CCDC136: variants seen among roughly 807,000 people sequenced by gnomAD.
The protein encoded by CCDC136 is coiled-coil domain-containing protein 136.
Under a neutral mutation model 141.2 loss-of-function variants are expected in CCDC136, and 100 were observed. The observed-to-expected ratio is 0.71, with a 90% confidence interval of 0.60 to 0.84. The LOEUF (loss-of-function observed/expected upper bound fraction) is 0.84, where lower values mean the gene tolerates loss of function less well. Among genes scored for constraint, CCDC136 ranks in the 40% least tolerant of loss-of-function variants. CCDC136 has a pLI of 0.00. For missense variants in CCDC136, 1,206 were observed against 1,379.4 expected (o/e 0.87, Z 1.99); for synonymous variants, 474 against 531.9 (o/e 0.89, Z 1.50).
chr7:128,797,984 C>A (rs1803310084), intron 3 of CCDC136, among the ~76,000 whole-genome samples: 1 of 150,414 alleles, frequency 6.6e-6, no homozygotes, highest in South Asian at 2.1e-4. Flanking sequence ...GTGGCGTGAT[C>A]TCGGCTCACT....
Position 128,794,674 on chromosome 7 carries a change from T to A in CCDC136, c.272-20T>A. On this transcript the variant is annotated intron_variant, in intron 2 of 17. Transcript: ENST00000297788. This position sits in a 1 kb window ranked among gnomAD's most constrained non-coding sequence, Gnocchi z 4.3. ...ACTCCCCTGGATCCGAGCTTGACACTGGTGCCCCTCTCCCTGCAGGGCTCC... is the reference window on the plus strand; with the variant it reads ...ACTCCCCTGGATCCGAGCTTGACACAGGTGCCCCTCTCCCTGCAGGGCTCC... The A allele has an allele frequency of 6.5e-7, 1 of 1,547,952 alleles. No individual in the cohort carries two copies. The highest frequency in any genetic ancestry group is 2.0e-5 in the Admixed American group (1 of 50,444).
Position 128,799,151 on chromosome 7 carries a change from A to G in CCDC136, c.347-2035A>G, listed in dbSNP as rs539037979. ...GTTTGAGACCAGCCTGGGCAACAGA[A>G]AGAGACCCCCATCTCTACATTAAAA... is the stretch of plus-strand genomic sequence containing the variant. On this transcript the variant is annotated intron_variant, in intron 3 of 17. Coordinates refer to ENST00000297788, the MANE Select transcript of CCDC136 (RefSeq NM_022742.5). Among the ~76,000 whole-genome samples the G allele has an allele frequency of 4.1e-5, 6 of 148,106 alleles. No individual in the cohort carries two copies. The East Asian group carries it at 1.2e-3, about 29-fold the overall frequency.
intron 10 of CCDC136, chr7:128,809,165 A>G (rs896694459): frequency 2.8e-6 from 1 of 357,788 alleles, no homozygotes; most frequent in South Asian, 4.3e-5. Flanking sequence ...AGAAAGGGGC[A>G]TCGATAGCAT....
At position 128,806,311 on chromosome 7, in the gene CCDC136, C is replaced by G. The variant is rs749196121; in HGVS notation, c.1164C>G (p.Leu388=). 16 of 1,593,458 alleles carry G rather than the reference C, an allele frequency of 1.0e-5. No homozygotes were observed. The highest frequency in any genetic ancestry group is 1.4e-5 in the Non-Finnish European group (16 of 1,170,058). Residue 388 remains leucine (L), a synonymous_variant, in exon 8 of 18, where the codon CTC becomes CTG. Coordinates refer to ENST00000297788, the MANE Select transcript of CCDC136 (RefSeq NM_022742.5). ...CTAGCCAGGATGAGCAGAACGAGCT[C>G]TTGAAGATGCAGCTGCAACTTCAGA... ...YDTSQDEQNE[L]LKMQLQLQTE...
At chr7:128,796,223 T>C (rs1585051563) in intron 3 of CCDC136, among the ~76,000 whole-genome samples, 1 of 152,076 alleles carries the variant, frequency 6.6e-6, no homozygotes, top group African/African-American at 2.4e-5. Context: ...GATATGGCAG[T>C]TAGGAAAGTC....
At chr7:128,802,542 C>G (rs752884522) in intron 4 of CCDC136, among the ~76,000 whole-genome samples, 1 of 152,080 alleles carries the variant, frequency 6.6e-6, no homozygotes. Context: ...TTTCTCTGAG[C>G]CTGTTTCTAT....
rs370532020 is a variant in CCDC136, at chr7:128,817,853, G to A, written c.3459G>A (p.Ser1153=). 47 of 1,613,156 alleles carry A rather than the reference G, an allele frequency of 2.9e-5. No individual in the cohort carries two copies. Among genetic ancestry groups the A allele is most frequent in the Admixed American group, 6.7e-5 (4 of 59,992 alleles). Residue 1153 remains serine (S), a synonymous_variant, in exon 17 of 18, where the codon TCG becomes TCA. Transcript: ENST00000297788. This position sits in a 1 kb window ranked among gnomAD's most constrained non-coding sequence, Gnocchi z 4.6. ...TCTGGTGCTGGTGGGCTGAGACGTC[G>A]TCCTAATGCAGGTACTGGTATTGCT... ...ALLWCWWAET[S]S
chr7:128,814,965 A>G (rs1806366136), intron 15 of CCDC136, 46 bp downstream of exon 15: 3 of 1,466,636 alleles, frequency 2.0e-6, no homozygotes, highest in Admixed American at 4.6e-5. Flanking sequence ...GGAGGAGGAG[A>G]TCCTGGGAAG....
intron 10 of CCDC136, 22 bp from the exon 11 acceptor site, chr7:128,809,428 C>A: frequency 2.9e-6 from 4 of 1,385,122 alleles, no homozygotes; most frequent in Non-Finnish European, 4.0e-6. Context: ...ACCACCCCCT[C>A]CACACCCGCC....
rs533797350 is a variant in CCDC136, at chr7:128,814,788, C to G, written c.2914C>G (p.Pro972Ala). Reference sequence around the variant, plus strand: ...GCTCCGCCAGCTCAGGGAGAAGAGGCCTTCTGTTGTCAAAGAAGCCCGGGG... The same window carrying G: ...GCTCCGCCAGCTCAGGGAGAAGAGGGCTTCTGTTGTCAAAGAAGCCCGGGG... ...EELRQLREKRPSVVKEARGKN... is the reference protein window; with the variant it reads ...EELRQLREKRASVVKEARGKN... The change falls in exon 15 of 18, where the codon CCT becomes GCT. Residue 972 changes from proline (P) to alanine (A), a missense_variant. By Grantham distance (27) the Pro-to-Ala change is conservative. Transcript: ENST00000297788. 3 of 1,612,960 alleles carry G rather than the reference C, an allele frequency of 1.9e-6. No individual in the cohort carries two copies. The highest frequency in any genetic ancestry group is 4.5e-5 in the East Asian group (2 of 44,870).
At position 128,821,607 on chromosome 7, in the gene CCDC136, G is replaced by A. The variant is rs922727621; in HGVS notation, c.*6-192G>A. 3.9e-5 allele frequency among the ~76,000 whole-genome samples: 6 copies of A among 152,304 alleles called. No homozygotes were observed. The highest frequency in any genetic ancestry group is 3.4e-3 in the Middle Eastern group (1 of 294). ...TACAGGCGGTCACCTAAGGTGGTGC[G>A]TACAGTGTTGGGCCACATGTCTAGT... On this transcript the variant is annotated intron_variant, in intron 17 of 17. Coordinates refer to ENST00000297788, the MANE Select transcript of CCDC136 (RefSeq NM_022742.5). The surrounding 1 kb of genome is among the most constrained non-coding windows in gnomAD (Gnocchi z 5.1).
At chr7:128,791,294 C>A, upstream of CCDC136, 1 of 343,372 alleles carries the variant, frequency 2.9e-6, no homozygotes, top group Non-Finnish European at 5.2e-6. The surrounding 1 kb of genome is among the most constrained non-coding windows in gnomAD (Gnocchi z 7.1). Flanking sequence ...TCCCGCGCCG[C>A]CCCCTGCACG....
chr7:128,813,042 A>C (rs921081377), intron 14 of CCDC136, 113 bp downstream of exon 14: 2 of 720,454 alleles, frequency 2.8e-6, no homozygotes, highest in African/African-American at 1.8e-5. Flanking sequence ...TATGCACCTC[A>C]GAGGCTGGGC....
chr7:128,810,939 G>A (rs1018082095), intron 12 of CCDC136, among the ~76,000 whole-genome samples: 4 of 152,192 alleles, frequency 2.6e-5, no homozygotes, highest in African/African-American at 9.6e-5. Flanking sequence ...ACAGGGGTTA[G>A]ACCAGAAAAT....
At chr7:128,802,245 A>C (rs1804141312) in intron 4 of CCDC136, among the ~76,000 whole-genome samples, 1 of 152,202 alleles carries the variant, frequency 6.6e-6, no homozygotes, top group Non-Finnish European at 1.5e-5. Flanking sequence ...AGTTGCTAGG[A>C]TTCATGACAT....
chr7:128,791,462 C>T (rs1802148012), upstream of CCDC136: 1 of 1,317,522 alleles, frequency 7.6e-7, no homozygotes, highest in Non-Finnish European at 9.6e-7. This position sits in a 1 kb window ranked among gnomAD's most constrained non-coding sequence, Gnocchi z 7.1. Flanking sequence ...GGCTTCTGCT[C>T]AGGGAGGCGG....
rs1035476184 is a variant in CCDC136 at position 128,794,595 on chromosome 7, G to A, written c.264G>A (p.Glu88=). 4.5e-6 allele frequency: 7 copies of A among 1,550,032 alleles called. No homozygotes were observed. The African/African-American group carries it at 9.6e-5, about 21-fold the overall frequency. ...GGCAGCATGAGGATGACTCCTTGGAGCTACAGGGTGAGTGCCTGGGCCAGG... is the reference window on the plus strand; with the variant it reads ...GGCAGCATGAGGATGACTCCTTGGAACTACAGGGTGAGTGCCTGGGCCAGG... ...LAGQHEDDSL[E]LQGLLEDERL... The change falls in exon 2 of 18, where the codon GAG becomes GAA. Residue 88 remains glutamate, a synonymous_variant. Coordinates refer to ENST00000297788, the MANE Select transcript of CCDC136 (RefSeq NM_022742.5). The surrounding 1 kb of genome is among the most constrained non-coding windows in gnomAD (Gnocchi z 4.3).
intron 13 of CCDC136, 39 bp from the exon 14 acceptor site, chr7:128,812,669 C>T: frequency 6.7e-7 from 1 of 1,501,070 alleles, no homozygotes; most frequent in Non-Finnish European, 9.2e-7. Flanking sequence ...AGCTTAGGTG[C>T]TCCTCAGGGT....
At chr7:128,804,946 T>C (rs1804608963) in intron 5 of CCDC136, among the ~76,000 whole-genome samples, 185 bp downstream of exon 5, 1 of 152,156 alleles carries the variant, frequency 6.6e-6, no homozygotes, top group Non-Finnish European at 1.5e-5. Flanking sequence ...CCGACCCAAT[T>C]ATCTCAAGAC....
Sources: allele counts gnomAD v4.1 joint callset (sites outside exome capture counted in the v4.1 genomes callset), GRCh38; gene constraint gnomAD v4.1.1; non-coding constraint Gnocchi (gnomAD v3.1); transcripts MANE v1.5; gene names NCBI Gene and HGNC (gene_info 2026-07-23, HGNC 2026-07-21).